SLC24A2: variants seen among roughly 807,000 people sequenced by gnomAD.
SLC24A2 encodes sodium/potassium/calcium exchanger 2.
In SLC24A2, 36 loss-of-function variants were observed where a neutral mutation model predicts 62.0. That is an observed-to-expected ratio of 0.58 (90% CI 0.44 to 0.77). SLC24A2 has a LOEUF of 0.77. SLC24A2 is among the 30% of genes least tolerant of loss of function. The probability of loss-of-function intolerance (pLI) is 0.00; values close to 1 mark genes in which losing one functional copy is unlikely to be tolerated. For synonymous variants in SLC24A2, 358 were observed against 294.0 expected (o/e 1.22, Z -2.23); for missense variants, 846 against 817.9 (o/e 1.03, Z -0.42).
chr9:19,929,792 A>G, the SLC24A2 span: 1 of 152,266 alleles, frequency 6.6e-6, no homozygotes. Flanking sequence ...TCCCTGAAGA[A>G]CTTCCAGTGG....
At chr9:20,304,681 T>C in the SLC24A2 span, among the ~76,000 whole-genome samples, 1 of 152,186 alleles carries the variant, frequency 6.6e-6, no homozygotes, top group African/African-American at 2.4e-5. Flanking sequence ...TACATTTTGT[T>C]TGAATTATGC....
chr9:19,564,815 C>T (rs958922201), intron 7 of SLC24A2, among the ~76,000 whole-genome samples: 5 of 152,060 alleles, frequency 3.3e-5, no homozygotes, highest in Admixed American at 2.6e-4. Flanking sequence ...CCCCTTCTAC[C>T]CTCATTGTGA....
chr9:19,580,071 C>G (rs1836156479), intron 5 of SLC24A2, among the ~76,000 whole-genome samples: 1 of 152,222 alleles, frequency 6.6e-6, no homozygotes, highest in African/African-American at 2.4e-5. Flanking sequence ...GTTTTCTGTG[C>G]TATTGAACAG....
intron 2 of SLC24A2, among the ~76,000 whole-genome samples, chr9:19,658,862 C>T (rs1018024456): frequency 5.3e-5 from 8 of 152,174 alleles, no homozygotes; most frequent in African/African-American, 7.2e-5. Context: ...TCCAGCAGCC[C>T]GTTTCTACAG....
the SLC24A2 span, among the ~76,000 whole-genome samples, chr9:20,285,750 G>A: frequency 3.3e-5 from 5 of 152,254 alleles, no homozygotes; most frequent in East Asian, 3.9e-4. Context: ...CAAACATTAC[G>A]ATCATAAGGG....
the SLC24A2 span, among the ~76,000 whole-genome samples, chr9:20,220,984 C>T: frequency 6.6e-6 from 1 of 152,236 alleles, no homozygotes; most frequent in East Asian, 1.9e-4. Context: ...CTATGTGTGA[C>T]ACTGTTCTAG....
the SLC24A2 span, among the ~76,000 whole-genome samples, chr9:20,021,384 T>A: frequency 1.3e-5 from 2 of 151,968 alleles, no homozygotes; most frequent in African/African-American, 4.8e-5. Flanking sequence ...CACATACATG[T>A]ATATAATCAT....
chr9:19,574,020 C>A (rs942178088), intron 6 of SLC24A2, among the ~76,000 whole-genome samples: 1 of 152,124 alleles, frequency 6.6e-6, no homozygotes, highest in East Asian at 1.9e-4. Flanking sequence ...CTGCTTTGAT[C>A]GGGTTGCTAT....
At chr9:20,074,780 G>A in the SLC24A2 span, among the ~76,000 whole-genome samples, 1 of 152,084 alleles carries the variant, frequency 6.6e-6, no homozygotes, top group Non-Finnish European at 1.5e-5. Context: ...GATCTAGTAA[G>A]ATTAGAATAT....
At chr9:20,014,517 T>TATATATATATATATATATATACACACAC in the SLC24A2 span, among the ~76,000 whole-genome samples, 1 of 148,392 alleles carries the variant, frequency 6.7e-6, no homozygotes, top group Non-Finnish European at 1.5e-5. Flanking sequence ...TATATATATA[T>TATATATATATATATATATATACACACAC]ACACACACAC....
chr9:19,727,142 A>G (rs1821195625), intron 2 of SLC24A2, among the ~76,000 whole-genome samples: 1 of 152,184 alleles, frequency 6.6e-6, no homozygotes, highest in African/African-American at 2.4e-5. Flanking sequence ...GGGCTCTACC[A>G]TTCCTAGGTT....
At chr9:20,281,922 G>C in the SLC24A2 span, among the ~76,000 whole-genome samples, 1 of 152,038 alleles carries the variant, frequency 6.6e-6, no homozygotes, top group South Asian at 2.1e-4. Flanking sequence ...TTGTTTTGTA[G>C]TCTTTGTTGA....
chr9:20,101,044 T>A, the SLC24A2 span, among the ~76,000 whole-genome samples: 4 of 152,220 alleles, frequency 2.6e-5, no homozygotes, highest in African/African-American at 9.6e-5. Flanking sequence ...AACCCTGCCT[T>A]CACCCCCACA....
the SLC24A2 span, among the ~76,000 whole-genome samples, chr9:20,101,325 C>A: frequency 6.6e-6 from 1 of 152,196 alleles, no homozygotes; most frequent in Non-Finnish European, 1.5e-5. Flanking sequence ...TCAAGTGTAA[C>A]CCTCAGAGCC....
chr9:19,985,036 A>G, the SLC24A2 span, among the ~76,000 whole-genome samples: 4 of 152,130 alleles, frequency 2.6e-5, no homozygotes, highest in Non-Finnish European at 5.9e-5. Context: ...AAAGACATCA[A>G]TGCACACCAC....
intron 8 of SLC24A2, among the ~76,000 whole-genome samples, chr9:19,544,060 G>A (rs7850831): frequency 0.072 from 10,982 of 152,114 alleles, 1,349 homozygotes; most frequent in African/African-American, 0.25. Flanking sequence ...TTGTGTGGGA[G>A]TGTAAGTCTC....
At chr9:20,122,376 T>C in the SLC24A2 span, among the ~76,000 whole-genome samples, 2 of 152,208 alleles carry the variant, frequency 1.3e-5, no homozygotes, top group Non-Finnish European at 2.9e-5. Flanking sequence ...GAATTTGTGT[T>C]GTTTGTTCAT....
At chr9:20,233,769 A>T in the SLC24A2 span, among the ~76,000 whole-genome samples, 1 of 152,184 alleles carries the variant, frequency 6.6e-6, no homozygotes, top group Admixed American at 6.5e-5. Context: ...TCCTGTCATT[A>T]TGATGTTAGC....
rs958138794 is a variant in SLC24A2, at chr9:19,677,811, TATAA to T, written c.931-55516_931-55513del. On this transcript the variant is annotated intron_variant, in intron 2 of 10. Transcript: ENST00000341998. ...TTATATATTATAGATTTGTATATAG[TATAA>T]ATATTCTATATAAACATATACATTT... Among the ~76,000 whole-genome samples, 18 of 149,646 alleles carry T rather than the reference TATAA, an allele frequency of 1.2e-4. No homozygotes were observed. In the East Asian group the frequency reaches 2.5e-3, roughly 21 times the overall value.
Sources: gnomAD v4.1 joint callset for allele counts (sites outside exome capture counted in the v4.1 genomes callset) on GRCh38, gnomAD v4.1.1 for gene constraint, MANE v1.5 for transcripts, NCBI Gene and HGNC (gene_info 2026-07-23, HGNC 2026-07-21) for gene names.